EDEM3: variants seen among roughly 807,000 people sequenced by gnomAD.
EDEM3 encodes the protein ER degradation-enhancing alpha-mannosidase-like protein 3.
Under a neutral mutation model 110.2 loss-of-function variants are expected in EDEM3, and 60 were observed. That is an observed-to-expected ratio of 0.54 (90% CI 0.44 to 0.67). EDEM3 has a LOEUF of 0.67. Ranked by LOEUF, EDEM3 falls within the 30% of genes least tolerant of loss-of-function variation. EDEM3 has a pLI of 0.00. For synonymous variants in EDEM3, 352 were observed against 382.9 expected, an observed-to-expected ratio of 0.92 and a Z score of 0.94; for missense variants, 996 against 1,121.0, an observed-to-expected ratio of 0.89 and a Z score of 1.59.
At position 184,723,755 on chromosome 1, in the gene EDEM3, T is replaced by C; in HGVS notation, c.849A>G (p.Arg283=). Residue 283 remains arginine, a synonymous_variant, in exon 8 of 20, where the codon CGA becomes CGG. Coordinates refer to ENST00000318130, the MANE Select transcript of EDEM3 (RefSeq NM_025191.4). ...TINIHTGDWV[R]KDSGVGAGID... ...TAAAAAGCCTAACTTACATACCTTT[T>C]CGTACCCAATCTCCAGTATGAATAT... 2 of 1,596,510 alleles carry C rather than the reference T, an allele frequency of 1.3e-6. No homozygotes were observed.
intron 19 of EDEM3, among the ~76,000 whole-genome samples, chr1:184,695,983 T>C (rs1361141479): frequency 1.3e-5 from 2 of 151,924 alleles, no homozygotes; most frequent in African/African-American, 4.8e-5. Flanking sequence ...TCTCTGACCT[T>C]CCCCTGCCTC....
intron 19 of EDEM3, among the ~76,000 whole-genome samples, chr1:184,696,329 G>A (rs1013932421): frequency 1.3e-5 from 2 of 151,854 alleles, no homozygotes; most frequent in African/African-American, 2.4e-5. Context: ...CTAAGAAGAG[G>A]GTATTTAAGC....
intron 13 of EDEM3, among the ~76,000 whole-genome samples, chr1:184,715,498 G>C (rs113937227): frequency 5.3e-4 from 81 of 152,230 alleles, no homozygotes; most frequent in African/African-American, 1.8e-3. Context: ...TAAGTGCAGT[G>C]GCTGGCATAC....
rs140954880 is a variant in EDEM3, at chr1:184,712,899, A to T, written c.1371-301T>A. Among the ~76,000 whole-genome samples the T allele has an allele frequency of 2.0e-5, 3 of 152,352 alleles. No homozygotes were observed. The South Asian group carries it at 6.2e-4, about 32-fold the overall frequency. ...AAGTTCTCCATTTCTTCTATAGAGA[A>T]TCAACAGCAGGGAGGTAACTGATAA... On this transcript the variant is annotated intron_variant, in intron 13 of 19. Coordinates refer to ENST00000318130, the MANE Select transcript of EDEM3 (RefSeq NM_025191.4).
chr1:184,704,962 C>A (rs552463098), intron 18 of EDEM3, among the ~76,000 whole-genome samples: 4 of 151,882 alleles, frequency 2.6e-5, no homozygotes, highest in African/African-American at 9.7e-5. Flanking sequence ...CCCAGCTACT[C>A]GGGAGACTGA....
chr1:184,697,181 G>T (rs1449916077), intron 19 of EDEM3, among the ~76,000 whole-genome samples: 1 of 151,644 alleles, frequency 6.6e-6, no homozygotes, highest in Non-Finnish European at 1.5e-5. Flanking sequence ...ATTATAAAAG[G>T]TATAAGACCC....
chr1:184,732,047 G>A (rs555592140), intron 6 of EDEM3, among the ~76,000 whole-genome samples: 2 of 152,140 alleles, frequency 1.3e-5, no homozygotes, highest in Admixed American at 6.5e-5. Flanking sequence ...GTGGTAGTGG[G>A]TGCCTGTAGT....
At chr1:184,730,310 G>C (rs1651435988) in intron 6 of EDEM3, among the ~76,000 whole-genome samples, 1 of 152,216 alleles carries the variant, frequency 6.6e-6, no homozygotes, top group Non-Finnish European at 1.5e-5. Flanking sequence ...GGCCGGGCAT[G>C]ATGGCTCACA....
chr1:184,749,405 G>C (rs1396041904), intron 2 of EDEM3, 142 bp downstream of exon 2: 1 of 649,326 alleles, frequency 1.5e-6, no homozygotes, highest in Admixed American at 3.5e-5. Flanking sequence ...ACCACTACCA[G>C]AAAGACTATT....
chr1:184,742,073 T>C (rs1652175204), intron 2 of EDEM3, among the ~76,000 whole-genome samples: 2 of 152,286 alleles, frequency 1.3e-5, no homozygotes, highest in South Asian at 4.1e-4. Context: ...AGTCAACTTA[T>C]TTAGATTCCA....
At chr1:184,750,637 C>T (rs949081647) in intron 1 of EDEM3, among the ~76,000 whole-genome samples, 1 of 151,746 alleles carries the variant, frequency 6.6e-6, no homozygotes, top group South Asian at 2.1e-4. Context: ...CTCAGCCTCC[C>T]GAGTAGCTGG....
intron 14 of EDEM3, among the ~76,000 whole-genome samples, chr1:184,712,098 T>C (rs1453516768): frequency 6.6e-6 from 1 of 151,974 alleles, no homozygotes; most frequent in Admixed American, 6.6e-5. Flanking sequence ...AGCTAATTTT[T>C]TGTATATTTA....
chr1:184,742,554 C>T (rs967802333), intron 2 of EDEM3, among the ~76,000 whole-genome samples: 10 of 152,238 alleles, frequency 6.6e-5, no homozygotes, highest in South Asian at 4.1e-4. Context: ...CCATACTTGG[C>T]TAATTTTGTC....
chr1:184,719,707 TTTAAG>T (rs1650774796), intron 9 of EDEM3, 139 bp from the exon 10 acceptor site: 9 of 840,440 alleles, frequency 1.1e-5, no homozygotes, highest in East Asian at 5.6e-5. Context: ...TATATAAATA[TTTAAG>T]TTATTTTAGA....
chr1:184,713,261 C>T (rs991483768), intron 13 of EDEM3, among the ~76,000 whole-genome samples: 3 of 150,922 alleles, frequency 2.0e-5, no homozygotes, highest in Admixed American at 1.3e-4. Context: ...AGCAAGACTC[C>T]GACTCAAAAA....
intron 5 of EDEM3, among the ~76,000 whole-genome samples, 197 bp from the exon 6 acceptor site, chr1:184,733,187 T>C (rs1317834308): frequency 6.6e-6 from 1 of 152,222 alleles, no homozygotes; most frequent in Non-Finnish European, 1.5e-5. Context: ...TTTAAAAAAT[T>C]AGATATTCTA....
chr1:184,743,470 G>A (rs1425174559), intron 2 of EDEM3, among the ~76,000 whole-genome samples: 2 of 151,580 alleles, frequency 1.3e-5, no homozygotes, highest in African/African-American at 2.4e-5. Flanking sequence ...CTAGCTGAAA[G>A]AGCAAAAATA....
chr1:184,729,912 C>G (rs1651407169), intron 6 of EDEM3, among the ~76,000 whole-genome samples: 1 of 151,970 alleles, frequency 6.6e-6, no homozygotes, highest in South Asian at 2.1e-4. Flanking sequence ...ATAACAAAAA[C>G]TAAAAGTATT....
intron 13 of EDEM3, among the ~76,000 whole-genome samples, chr1:184,715,598 T>C (rs190842595): frequency 6.6e-6 from 1 of 152,312 alleles, no homozygotes; most frequent in African/African-American, 2.4e-5. Context: ...TCTGACTTAA[T>C]CTTACTAACT....
Sources: allele counts gnomAD v4.1 joint callset (sites outside exome capture counted in the v4.1 genomes callset), GRCh38; gene constraint gnomAD v4.1.1; transcripts MANE v1.5; gene names NCBI Gene and HGNC (gene_info 2026-07-23, HGNC 2026-07-21).